The following RNLS variants were observed in gnomAD, a reference collection of about 807,000 sequenced individuals.
The protein encoded by RNLS is renalase, FAD dependent amine oxidase.
A neutral mutation model predicts 39.8 loss-of-function variants in RNLS; 39 were observed. The observed-to-expected ratio is 0.98, with a 90% CI of 0.76 to 1.28. The LOEUF (loss-of-function observed/expected upper bound fraction) is 1.28. Among genes scored for constraint, RNLS ranks in the 50% most tolerant of loss-of-function variants. The pLI is 0.00. For synonymous variants in RNLS, 147 were observed against 150.7 expected (o/e 0.98, Z 0.18); for missense variants, 410 against 413.3 (o/e 0.99, Z 0.07).
At chr10:88,502,568 C>T (rs1240089111) in intron 4 of RNLS, among the ~76,000 whole-genome samples, 1 of 152,134 alleles carries the variant, frequency 6.6e-6, no homozygotes, top group Non-Finnish European at 1.5e-5. Context: ...ACTTTTCAGC[C>T]AGCAGAATCA....
chr10:88,229,822 T>C, the RNLS span, among the ~76,000 whole-genome samples: 1 of 152,240 alleles, frequency 6.6e-6, no homozygotes, highest in Non-Finnish European at 1.5e-5. Flanking sequence ...GAGCTTATCA[T>C]TGTTGTACTG....
intron 4 of RNLS, among the ~76,000 whole-genome samples, chr10:88,501,517 C>A (rs1032882882): frequency 6.6e-6 from 1 of 152,142 alleles, no homozygotes; most frequent in Non-Finnish European, 1.5e-5. Context: ...TTCTTAAACA[C>A]TCTCTCAGTA....
chr10:88,444,875 G>T (rs1256378722), intron 4 of RNLS, among the ~76,000 whole-genome samples: 2 of 152,180 alleles, frequency 1.3e-5, no homozygotes, highest in African/African-American at 4.8e-5. Flanking sequence ...AGGGAGAATG[G>T]AACCAAGTTG....
the RNLS span, among the ~76,000 whole-genome samples, chr10:88,214,901 G>T: frequency 6.6e-6 from 1 of 152,106 alleles, no homozygotes; most frequent in Non-Finnish European, 1.5e-5. Flanking sequence ...AAAAATTGGT[G>T]TACAAAATCT....
chr10:88,320,336 A>G (rs916525330), intron 5 of RNLS, among the ~76,000 whole-genome samples: 2 of 151,952 alleles, frequency 1.3e-5, no homozygotes, highest in Non-Finnish European at 2.9e-5. Context: ...TTGCTACCAT[A>G]AAAGTACACA....
intron 5 of RNLS, among the ~76,000 whole-genome samples, chr10:88,334,512 T>C (rs1367563372): frequency 6.6e-6 from 1 of 152,196 alleles, no homozygotes; most frequent in African/African-American, 2.4e-5. Context: ...TCACTTCATT[T>C]GAAAGGATTA....
intron 4 of RNLS, among the ~76,000 whole-genome samples, chr10:88,443,455 C>T (rs555860351): frequency 3.9e-5 from 6 of 152,214 alleles, no homozygotes; most frequent in East Asian, 1.9e-4. Flanking sequence ...CTGGGCTTGT[C>T]GGACAGTGGG....
At chr10:88,416,632 T>C (rs1353380420) in intron 4 of RNLS, among the ~76,000 whole-genome samples, 4 of 152,200 alleles carry the variant, frequency 2.6e-5, no homozygotes, top group Admixed American at 6.6e-5. Flanking sequence ...TGTTTCTTTC[T>C]TCAAATGTTT....
the RNLS span, among the ~76,000 whole-genome samples, chr10:88,222,788 G>A: frequency 1.3e-5 from 2 of 152,160 alleles, no homozygotes; most frequent in Non-Finnish European, 2.9e-5. Flanking sequence ...ATTGAACAGG[G>A]CAGAGTTAGT....
At chr10:88,267,145 C>A in the RNLS span, among the ~76,000 whole-genome samples, 53 of 152,242 alleles carry the variant, frequency 3.5e-4, no homozygotes, top group African/African-American at 1.2e-3. Flanking sequence ...GTCTGTTTTG[C>A]AGAGGACCCA....
intron 4 of RNLS, among the ~76,000 whole-genome samples, chr10:88,557,003 G>A (rs1318119974): frequency 2.6e-5 from 4 of 151,836 alleles, no homozygotes; most frequent in Admixed American, 6.6e-5. Flanking sequence ...TGTACCCAGG[G>A]TGTCTAGAAC....
chr10:88,257,381 T>C, the RNLS span, among the ~76,000 whole-genome samples: 1 of 152,156 alleles, frequency 6.6e-6, no homozygotes, highest in Non-Finnish European at 1.5e-5. Flanking sequence ...CAGGACAATA[T>C]AGCGTGCACA....
intron 5 of RNLS, among the ~76,000 whole-genome samples, chr10:88,321,658 A>G (rs989036239): frequency 2.0e-5 from 3 of 152,208 alleles, no homozygotes; most frequent in African/African-American, 7.2e-5. Flanking sequence ...CTCAGAAGCT[A>G]TTATGAATAT....
At chr10:88,492,227 T>A (rs969991480) in intron 4 of RNLS, among the ~76,000 whole-genome samples, 1 of 152,054 alleles carries the variant, frequency 6.6e-6, no homozygotes, top group Non-Finnish European at 1.5e-5. Flanking sequence ...TCCTAGGATA[T>A]ACTCTGGGAA....
At chr10:88,457,498 T>A (rs1453988544) in intron 4 of RNLS, among the ~76,000 whole-genome samples, 1 of 152,258 alleles carries the variant, frequency 6.6e-6, no homozygotes, top group Non-Finnish European at 1.5e-5. Context: ...TACAGCCTGC[T>A]GTAGTCCTAC....
At chr10:88,374,460 A>G (rs549005221) in intron 4 of RNLS, among the ~76,000 whole-genome samples, 3 of 152,258 alleles carry the variant, frequency 2.0e-5, no homozygotes, top group African/African-American at 7.2e-5. Context: ...TTCAAGACTC[A>G]TGGTTTTCCC....
rs557300733 is a variant in RNLS at position 88,458,067 on chromosome 10, C to G, written c.527-95342G>C. On this transcript the variant is annotated intron_variant, in intron 4 of 6. Coordinates refer to ENST00000331772, the MANE Select transcript of RNLS (RefSeq NM_001031709.3). ...TTGCATATTTTTACTGATTCCTCACCCAAATTATTTTCCTCTTCAATGAAC... is the reference window on the plus strand; with the variant it reads ...TTGCATATTTTTACTGATTCCTCACGCAAATTATTTTCCTCTTCAATGAAC... Among the ~76,000 whole-genome samples the G allele has an allele frequency of 6.8e-4, 104 of 152,264 alleles. 1 individual carries two copies. The highest frequency in any genetic ancestry group is 9.3e-4 in the Non-Finnish European group (63 of 68,016).
the RNLS span, among the ~76,000 whole-genome samples, chr10:88,239,490 A>G: frequency 6.6e-6 from 1 of 152,220 alleles, no homozygotes; most frequent in Non-Finnish European, 1.5e-5. Context: ...AGCCACTCAG[A>G]CTTTTCCAGC....
At chr10:88,229,288 G>C in the RNLS span, among the ~76,000 whole-genome samples, 1 of 152,158 alleles carries the variant, frequency 6.6e-6, no homozygotes, top group East Asian at 1.9e-4. Context: ...GCTTCTCTCA[G>C]CTCTGCCTCG....
Sources: allele counts gnomAD v4.1 joint callset (sites outside exome capture counted in the v4.1 genomes callset), GRCh38; gene constraint gnomAD v4.1.1; transcripts MANE v1.5; gene names NCBI Gene and HGNC (gene_info 2026-07-23, HGNC 2026-07-21).